Variants in CLEC16A observed in about 807,000 individuals in gnomAD.
CLEC16A encodes the protein C-type lectin domain containing 16A.
CLEC16A carries 51 observed loss-of-function variants against 109.5 expected under a neutral mutation model. The ratio of observed to expected loss-of-function variants is 0.47; its 90% CI spans 0.37 to 0.59. The LOEUF is 0.59. CLEC16A is among the 20% of genes least tolerant of loss of function. The pLI, the probability that CLEC16A is intolerant of heterozygous loss-of-function variation, is 0.00. For missense variants in CLEC16A, 1,339 were observed against 1,394.0 expected (o/e 0.96, Z 0.63); for synonymous variants, 673 against 564.2 (o/e 1.19, Z -2.73).
At chr16:11,171,374 A>T (rs1284463447) in intron 23 of CLEC16A, among the ~76,000 whole-genome samples, 2 of 152,146 alleles carry the variant, frequency 1.3e-5, no homozygotes, top group Non-Finnish European at 2.9e-5. Context: ...GACCAAAGGG[A>T]GAGTCAACAC....
chr16:11,097,236 A>G (rs1192567632), intron 19 of CLEC16A, among the ~76,000 whole-genome samples: 1 of 152,224 alleles, frequency 6.6e-6, no homozygotes, highest in Non-Finnish European at 1.5e-5. Flanking sequence ...AGGCTGTCCC[A>G]GTGTGAGCAG....
At chr16:11,156,917 G>GCCCCCCCC (rs60216625) in intron 22 of CLEC16A, among the ~76,000 whole-genome samples, 174 of 77,346 alleles carry the variant, frequency 2.2e-3, no homozygotes, top group Non-Finnish European at 2.7e-3. Context: ...CCAAATGCCC[G>GCCCCCCCC]CCCCCCCCCC....
intron 2 of CLEC16A, among the ~76,000 whole-genome samples, chr16:10,958,231 G>A (rs905631175): frequency 3.3e-5 from 5 of 152,200 alleles, no homozygotes; most frequent in Non-Finnish European, 7.3e-5. Flanking sequence ...GACATGAACA[G>A]AAGGCCTGTG....
chr16:11,075,155 C>G (rs1480702476), intron 19 of CLEC16A, among the ~76,000 whole-genome samples: 1 of 152,162 alleles, frequency 6.6e-6, no homozygotes, highest in Non-Finnish European at 1.5e-5. Flanking sequence ...TTTCAAAATA[C>G]CAGTCCTTCC....
chr16:11,115,966 C>G (rs769161834), intron 19 of CLEC16A, among the ~76,000 whole-genome samples: 14 of 151,948 alleles, frequency 9.2e-5, no homozygotes, highest in Non-Finnish European at 1.8e-4. Flanking sequence ...CCACCTTGGC[C>G]TCCCATAGTG....
chr16:10,996,267 T>A (rs1348399394), intron 10 of CLEC16A, among the ~76,000 whole-genome samples: 1 of 152,230 alleles, frequency 6.6e-6, no homozygotes, highest in Non-Finnish European at 1.5e-5. Context: ...GGCTAGTGCC[T>A]GACTGAGAGG....
intron 20 of CLEC16A, among the ~76,000 whole-genome samples, chr16:11,121,566 G>T (rs1300651526): frequency 2.6e-5 from 4 of 151,268 alleles, no homozygotes; most frequent in African/African-American, 4.9e-5. Flanking sequence ...GATTTTTTGG[G>T]TTTTTTTTTG....
chr16:10,992,080 C>T lies in CLEC16A; in HGVS notation c.1071+9089C>T, dbSNP rs549197670. On this transcript the variant is annotated intron_variant, in intron 10 of 23. Transcript: ENST00000409790. ...CTTGCTGGGTTGCTTATAACCTGGC[C>T]CCAGGACAGCTTCCTGGTAGCCTCC... is the stretch of plus-strand genomic sequence containing the variant. Among the ~76,000 whole-genome samples, 383 of 152,190 alleles carry T rather than the reference C, an allele frequency of 2.5e-3. 1 individual carries two copies. Among genetic ancestry groups the T allele is most frequent in the African/African-American group, 8.9e-3 (370 of 41,500 alleles).
intron 19 of CLEC16A, among the ~76,000 whole-genome samples, chr16:11,089,706 T>C (rs9888868): frequency 0.49 from 74,615 of 152,058 alleles, 19,160 homozygotes; most frequent in African/African-American, 0.65. Context: ...ATGGGAATTC[T>C]TCCCATATAT....
intron 19 of CLEC16A, among the ~76,000 whole-genome samples, chr16:11,107,080 G>A (rs1386863077): frequency 3.3e-5 from 5 of 152,218 alleles, no homozygotes; most frequent in Non-Finnish European, 7.3e-5. Context: ...GCAGAGGCCC[G>A]GACATCAGTG....
intron 19 of CLEC16A, among the ~76,000 whole-genome samples, chr16:11,112,718 C>T (rs913790568): frequency 9.9e-5 from 15 of 152,102 alleles, no homozygotes; most frequent in Non-Finnish European, 2.2e-4. Flanking sequence ...CAAATTTTCT[C>T]CCCTCCCCAA....
intron 9 of CLEC16A, among the ~76,000 whole-genome samples, chr16:10,981,723 G>A (rs1354269002): frequency 6.6e-6 from 1 of 152,212 alleles, no homozygotes; most frequent in African/African-American, 2.4e-5. Context: ...CCGGGTTTCT[G>A]TTCTAGTTTT....
chr16:11,042,317 T>G lies in CLEC16A; in HGVS notation c.1724T>G (p.Met575Arg), dbSNP rs1292554608. The change falls in exon 15 of 24, where the codon ATG becomes AGG. Residue 575 changes from methionine to arginine, a missense_variant. Physicochemically the swap from Met to Arg is moderately conservative, Grantham distance 91. Transcript: ENST00000409790. ...CTGCTTCTGAAGCAGCAAGTCCTGA[T>G]GAGTGCTGGCTGCATCATGAAGGAC... is the stretch of plus-strand genomic sequence containing the variant. The part of the protein sequence containing the change: ...SCLLLKQQVL[M>R]SAGCIMKDVH... 2 of 1,594,376 alleles carry G rather than the reference T, an allele frequency of 1.3e-6. No homozygotes were observed. The highest frequency in any genetic ancestry group is 4.6e-5 in the East Asian group (2 of 43,860).
intron 23 of CLEC16A, among the ~76,000 whole-genome samples, chr16:11,175,656 C>T (rs1210730661): frequency 2.0e-5 from 3 of 152,088 alleles, no homozygotes; most frequent in African/African-American, 7.2e-5. Context: ...TTATTTTTTC[C>T]CTATTTAAAA....
intron 9 of CLEC16A, among the ~76,000 whole-genome samples, chr16:10,981,190 A>G (rs1295214019): frequency 3.3e-5 from 5 of 152,222 alleles, no homozygotes; most frequent in Admixed American, 6.5e-5. Context: ...TGTGGACTGA[A>G]AAGAAGGAAT....
intron 22 of CLEC16A, among the ~76,000 whole-genome samples, chr16:11,151,473 G>A (rs116398681): frequency 0.01 from 1,575 of 152,374 alleles, 24 homozygotes; most frequent in African/African-American, 0.037. Flanking sequence ...CTGCCAGCAT[G>A]TGCACAGGCA....
At chr16:11,013,601 C>T (rs997068234) in intron 11 of CLEC16A, among the ~76,000 whole-genome samples, 3 of 151,962 alleles carry the variant, frequency 2.0e-5, no homozygotes, top group Admixed American at 6.6e-5. Context: ...CCTGAAAATA[C>T]AAAAAAATTA....
intron 19 of CLEC16A, among the ~76,000 whole-genome samples, chr16:11,091,464 C>T (rs2050300855): frequency 6.6e-6 from 1 of 152,180 alleles, no homozygotes; most frequent in South Asian, 2.1e-4. Context: ...GCTGTGTGCC[C>T]TGGCAGCCTT....
chr16:11,013,509 A>T (rs1320018184), intron 11 of CLEC16A, among the ~76,000 whole-genome samples: 1 of 152,192 alleles, frequency 6.6e-6, no homozygotes, highest in Non-Finnish European at 1.5e-5. Context: ...TCACACCTGT[A>T]ATCCCAGAAC....
Sources: allele counts gnomAD v4.1 joint callset (sites outside exome capture counted in the v4.1 genomes callset), GRCh38; gene constraint gnomAD v4.1.1; transcripts MANE v1.5; gene names NCBI Gene and HGNC (gene_info 2026-07-23, HGNC 2026-07-21).